The following SAMD3 variants were observed in gnomAD, a reference collection of about 807,000 sequenced individuals.
SAMD3 encodes the protein sterile alpha motif domain containing 3.
A neutral mutation model predicts 58.5 loss-of-function variants in SAMD3; 63 were observed. The ratio of observed to expected loss-of-function variants is 1.08; its 90% CI spans 0.88 to 1.33. SAMD3 has a LOEUF of 1.33. Among genes scored for constraint, SAMD3 ranks in the 40% most tolerant of loss-of-function variants. The pLI, the probability that SAMD3 is intolerant of heterozygous loss-of-function variation, is 0.00. For synonymous variants in SAMD3, 220 were observed against 210.3 expected, an observed-to-expected ratio of 1.05 and a Z score of -0.40; for missense variants, 604 against 608.4, an observed-to-expected ratio of 0.99 and a Z score of 0.08.
rs1251646977 is a variant in SAMD3 at position 130,211,275 on chromosome 6, AATTTTT to A, written c.270-1673_270-1668del. On this transcript the variant is annotated intron_variant, in intron 4 of 11. Coordinates refer to ENST00000439090, the MANE Select transcript of SAMD3 (RefSeq NM_001017373.4). ...ATTCTTTCAATCAATTGCCAATCAG[AATTTTT>A]TTTTTTTTTTTTTTTTTTCTGAGAC... Among the ~76,000 whole-genome samples the A allele has an allele frequency of 2.1e-3, 283 of 134,374 alleles. 3 individuals are homozygous for A. The highest frequency in any genetic ancestry group is 3.0e-3 in the Non-Finnish European group (189 of 63,798). The allele number at this position is 134,374 out of a possible 152,430, so 88.2% of individuals were successfully genotyped here. A position where few individuals can be genotyped will look rare whatever the true frequency, so the allele number is the denominator to read the frequency against.
chr6:130,189,787 C>T (rs772371516), intron 5 of SAMD3, among the ~76,000 whole-genome samples: 2 of 152,168 alleles, frequency 1.3e-5, no homozygotes, highest in Non-Finnish European at 2.9e-5. Flanking sequence ...ACATTAAACA[C>T]ATTTTAAAAA....
intron 5 of SAMD3, among the ~76,000 whole-genome samples, chr6:130,202,016 C>A (rs570341100): frequency 6.6e-6 from 1 of 152,308 alleles, no homozygotes; most frequent in South Asian, 2.1e-4. Context: ...CCATCCCCAA[C>A]CCCATGTCTA....
chr6:130,209,099 G>A (rs921553496), intron 5 of SAMD3, among the ~76,000 whole-genome samples: 6 of 152,126 alleles, frequency 3.9e-5, no homozygotes, highest in South Asian at 2.1e-4. Context: ...TGCCTCTATC[G>A]GGAGAGTCAA....
chr6:130,175,611 GA>G (rs965166553), intron 8 of SAMD3: 21 of 349,182 alleles, frequency 6.0e-5, no homozygotes, highest in South Asian at 2.5e-4. Flanking sequence ...TGAAGGTTGT[GA>G]AAAAAACTGG....
At chr6:130,185,913 G>A (rs1792918877) in intron 5 of SAMD3, among the ~76,000 whole-genome samples, 1 of 152,098 alleles carries the variant, frequency 6.6e-6, no homozygotes, top group East Asian at 1.9e-4. Flanking sequence ...TTACAGGCAT[G>A]AGCCAACACA....
At chr6:130,217,327 C>T (rs1402432540) in intron 1 of SAMD3, among the ~76,000 whole-genome samples, 1 of 152,062 alleles carries the variant, frequency 6.6e-6, no homozygotes, top group Non-Finnish European at 1.5e-5. Context: ...TATCTGGTAG[C>T]TTTATTCTGA....
At chr6:130,294,734 C>T (rs1034294264) in intron 2 of SAMD3, among the ~76,000 whole-genome samples, 1 of 150,968 alleles carries the variant, frequency 6.6e-6, no homozygotes, top group Non-Finnish European at 1.5e-5. Flanking sequence ...CTGAATGTCT[C>T]GAATGCCTCC....
At chr6:130,259,499 C>A (rs1774040348) in intron 2 of SAMD3, among the ~76,000 whole-genome samples, 1 of 152,136 alleles carries the variant, frequency 6.6e-6, no homozygotes, top group Non-Finnish European at 1.5e-5. Flanking sequence ...AAACATCTCC[C>A]ATTAGGCCCC....
intron 1 of SAMD3, among the ~76,000 whole-genome samples, chr6:130,318,854 T>G (rs1776484885): frequency 6.6e-6 from 1 of 152,218 alleles, no homozygotes; most frequent in Non-Finnish European, 1.5e-5. Flanking sequence ...GACATTAAGC[T>G]TATTGATAAG....
chr6:130,273,603 A>ATT (rs142686259), intron 2 of SAMD3, among the ~76,000 whole-genome samples: 27,084 of 149,734 alleles, frequency 0.18, 2,838 homozygotes, highest in African/African-American at 0.28. Context: ...CATTTTATTG[A>ATT]TTTTTTTTGT....
At chr6:130,157,071 A>AT (rs1452510618) in intron 8 of SAMD3, among the ~76,000 whole-genome samples, 1 of 92,560 alleles carries the variant, frequency 1.1e-5, no homozygotes, top group Non-Finnish European at 2.2e-5. Flanking sequence ...CTCCGTCTCA[A>AT]AAAATAAATA....
chr6:130,233,283 G>T lies in SAMD3; in HGVS notation c.-187-10470C>A, dbSNP rs537931215. ...AGTTATTATTATACTTTAAGTTCTG[G>T]GATACATGTGCAGGATGTGCAGGTC... On this transcript the variant is annotated intron_variant, in intron 2 of 13. Coordinates refer to the SAMD3 transcript ENST00000368134. Among the ~76,000 whole-genome samples, 3 of 152,180 alleles carry T rather than the reference G, an allele frequency of 2.0e-5. No homozygotes were observed. In the South Asian group the frequency reaches 6.2e-4, roughly 32 times the overall value.
intron 4 of SAMD3, among the ~76,000 whole-genome samples, chr6:130,211,929 A>T (rs1477169766): frequency 6.7e-6 from 1 of 148,576 alleles, no homozygotes; most frequent in Non-Finnish European, 1.5e-5. Flanking sequence ...GCCATCACAG[A>T]CTCTTTAGAA....
chr6:130,353,762 T>C (rs1777747458), intron 1 of SAMD3, among the ~76,000 whole-genome samples: 1 of 152,038 alleles, frequency 6.6e-6, no homozygotes, highest in Admixed American at 6.6e-5. Flanking sequence ...CCCCTAAAAA[T>C]CCGAGACTCA....
intron 2 of SAMD3, among the ~76,000 whole-genome samples, chr6:130,275,066 T>A (rs1340898556): frequency 6.6e-6 from 1 of 152,206 alleles, no homozygotes; most frequent in Non-Finnish European, 1.5e-5. Context: ...AAAATATACA[T>A]TTTGATAAGA....
In SAMD3 at chr6:130,144,736, T is replaced by G. The variant is rs772227300; in HGVS notation, c.1347A>C (p.Leu449Phe). The G allele has an allele frequency of 1.2e-6, 2 of 1,613,982 alleles. No homozygotes were observed. Among genetic ancestry groups the G allele is most frequent in the Non-Finnish European group, 8.5e-7 (1 of 1,179,948 alleles). Reference sequence around the variant, plus strand: ...TTGTGAGCCTCTCCCTTTCTAAATATAAAGAAAATTCGCAGACCTCCATGT... The same window carrying G: ...TTGTGAGCCTCTCCCTTTCTAAATAGAAAGAAAATTCGCAGACCTCCATGT... ...PFNMEVCEFS[L>F]YLERERLTKV... The change falls in exon 12 of 12, where the codon TTA becomes TTC. Residue 449 changes from leucine to phenylalanine, a missense_variant. By Grantham distance (22) the Leu-to-Phe change is conservative (BLOSUM62 0). Coordinates refer to ENST00000439090, the MANE Select transcript of SAMD3 (RefSeq NM_001017373.4).
chr6:130,308,349 A>AATTCTATTCTATTCT lies in SAMD3; in HGVS notation c.-188+4614_-188+4628dup, dbSNP rs68138988. ...CCTCCTCAATTTGGCAAGTTCATAG[A>AATTCTATTCTATTCT]ATTCTATTCTATTCTATTCTATTCT... On this transcript the variant is annotated intron_variant, in intron 2 of 13. Transcript: ENST00000368134. 2.4e-3 allele frequency among the ~76,000 whole-genome samples: 165 copies of AATTCTATTCTATTCT among 69,552 alleles called. 7 individuals carry two copies. The highest frequency in any genetic ancestry group is 4.8e-3 in the East Asian group (12 of 2,490). 45.6% of individuals were successfully genotyped at this position (69,552 alleles called of 152,430 possible). A position where few individuals can be genotyped will look rare whatever the true frequency, so the allele number is the denominator to read the frequency against.
At chr6:130,277,499 C>T (rs1430450795) in intron 2 of SAMD3, among the ~76,000 whole-genome samples, 6 of 152,232 alleles carry the variant, frequency 3.9e-5, no homozygotes, top group Non-Finnish European at 5.9e-5. Context: ...CTTCTTCAAA[C>T]ATACCATCTT....
chr6:130,180,977 C>T (rs1469890427), intron 7 of SAMD3, among the ~76,000 whole-genome samples: 4 of 48,108 alleles, frequency 8.3e-5, no homozygotes, highest in Non-Finnish European at 1.8e-4. Flanking sequence ...GACGGAGTTC[C>T]GCTCTTGTTA....
Sources: allele counts gnomAD v4.1 joint callset (sites outside exome capture counted in the v4.1 genomes callset), GRCh38; gene constraint gnomAD v4.1.1; transcripts MANE v1.5; gene names NCBI Gene and HGNC (gene_info 2026-07-23, HGNC 2026-07-21).